Variants in PCLO observed in about 807,000 individuals in gnomAD.
PCLO encodes the protein protein piccolo.
In PCLO, 82 loss-of-function variants were observed where a neutral mutation model predicts 427.5. That is an observed-to-expected ratio of 0.19 (90% CI 0.16 to 0.23). The LOEUF is 0.23. PCLO is among the 10% of genes least tolerant of loss of function. The probability of loss-of-function intolerance (pLI) is 1.00; values close to 1 mark genes in which losing one functional copy is unlikely to be tolerated. For synonymous variants in PCLO, 2,357 were observed against 2,155.4 expected (o/e 1.09, Z -2.59); for missense variants, 6,239 against 6,115.9 (o/e 1.02, Z -0.67).
At chr7:83,090,975 T>C (rs1790363234) in intron 3 of PCLO, among the ~76,000 whole-genome samples, 1 of 152,126 alleles carries the variant, frequency 6.6e-6, no homozygotes, top group Admixed American at 6.5e-5. Flanking sequence ...TTGGTACCAA[T>C]TAGAAACACA....
intron 3 of PCLO, among the ~76,000 whole-genome samples, chr7:83,072,413 C>A (rs1789841981): frequency 6.6e-6 from 1 of 151,950 alleles, no homozygotes; most frequent in Non-Finnish European, 1.5e-5. Context: ...TGTTATTTTT[C>A]TTCCTTTTGC....
intron 9 of PCLO, among the ~76,000 whole-genome samples, chr7:82,886,628 G>A (rs1793633983): frequency 6.6e-6 from 1 of 152,090 alleles, no homozygotes; most frequent in African/African-American, 2.4e-5. Context: ...TTTGCCTTCG[G>A]TGAAGGAGGT....
intron 3 of PCLO, among the ~76,000 whole-genome samples, chr7:83,089,747 T>C (rs1480378743): frequency 1.3e-5 from 2 of 152,154 alleles, no homozygotes; most frequent in Non-Finnish European, 2.9e-5. Context: ...GCTTCTGCAC[T>C]AGTGCCCTGA....
At chr7:83,108,349 T>C (rs1790920179) in intron 3 of PCLO, among the ~76,000 whole-genome samples, 2 of 152,168 alleles carry the variant, frequency 1.3e-5, no homozygotes, top group African/African-American at 4.8e-5. Context: ...TCTATCTACC[T>C]ACTTATCTAT....
intron 16 of PCLO, among the ~76,000 whole-genome samples, chr7:82,833,449 C>A (rs967769954): frequency 6.6e-6 from 1 of 152,232 alleles, no homozygotes; most frequent in East Asian, 1.9e-4. Flanking sequence ...GTCATTCTCT[C>A]ACCTTATCTT....
rs1352236823 is a variant in PCLO, at chr7:82,950,786, G to A, written c.9802C>T (p.Leu3268Phe). The A allele has an allele frequency of 2.5e-6, 4 of 1,613,666 alleles. No homozygotes were observed. Among genetic ancestry groups the A allele is most frequent in the South Asian group, 1.1e-5 (1 of 91,070 alleles). ...TGCCGCTCTTCTTCTTGCTGAAAGA[G>A]AAGGTGTTGCTTCATAGACTGCAGC... The part of the protein sequence containing the change: ...EELQSMKQHL[L>F]FQQEEERQAQ... Residue 3268 changes from leucine to phenylalanine, a missense_variant, in exon 6 of 25, where the codon CTC becomes TTC. Physicochemically the swap from Leu to Phe is conservative, Grantham distance 22 (BLOSUM62 0). Transcript: ENST00000333891.
intron 10 of PCLO, among the ~76,000 whole-genome samples, chr7:82,874,815 A>C (rs1468067299): frequency 2.0e-5 from 3 of 152,188 alleles, no homozygotes; most frequent in African/African-American, 4.8e-5. Context: ...AGATGCTCAA[A>C]CTAGTTCAAC....
chr7:83,069,997 A>T (rs1789771335), intron 3 of PCLO, among the ~76,000 whole-genome samples: 1 of 152,080 alleles, frequency 6.6e-6, no homozygotes, highest in African/African-American at 2.4e-5. Flanking sequence ...GACTGAACTT[A>T]ATGACTCACT....
chr7:82,807,242 C>T (rs1184860237), intron 20 of PCLO, among the ~76,000 whole-genome samples: 1 of 151,642 alleles, frequency 6.6e-6, no homozygotes, highest in Non-Finnish European at 1.5e-5. Flanking sequence ...CTTAAATAGT[C>T]TTTGACAATG....
At chr7:83,031,731 T>C (rs954120883) in intron 3 of PCLO, among the ~76,000 whole-genome samples, 6 of 148,430 alleles carry the variant, frequency 4.0e-5, no homozygotes, top group East Asian at 3.9e-4. Flanking sequence ...TCTCTCTCTC[T>C]CTCCCTCCCC....
rs1241848742 is a variant in PCLO, at chr7:82,939,660, T to TAG, written c.11112+9814_11112+9815dup. On this transcript the variant is annotated intron_variant, in intron 6 of 24. Coordinates refer to ENST00000333891, the MANE Select transcript of PCLO (RefSeq NM_033026.6). ...TTTCCACTGGAAATATATATATATA[T>TAG]AGAGAGAGAGAGAAATAGATATAGA... Among the ~76,000 whole-genome samples the TAG allele has an allele frequency of 1.5e-3, 227 of 146,454 alleles. 1 individual carries two copies. The highest frequency in any genetic ancestry group is 5.2e-3 in the African/African-American group (209 of 39,814).
At chr7:82,935,821 T>G (rs1002393104) in intron 6 of PCLO, among the ~76,000 whole-genome samples, 3 of 151,642 alleles carry the variant, frequency 2.0e-5, no homozygotes, top group African/African-American at 7.2e-5. Flanking sequence ...CTTCAAGAAT[T>G]GATCCCTCTA....
intron 3 of PCLO, among the ~76,000 whole-genome samples, chr7:83,029,131 T>C (rs1788588631): frequency 6.6e-6 from 1 of 150,420 alleles, no homozygotes; most frequent in Non-Finnish European, 1.5e-5. Context: ...ACTAAAGAGC[T>C]TCTGCACAGC....
chr7:82,958,098 G>A (rs1795569497), intron 4 of PCLO, among the ~76,000 whole-genome samples: 1 of 152,128 alleles, frequency 6.6e-6, no homozygotes, highest in East Asian at 1.9e-4. Flanking sequence ...AGAAAGGAGG[G>A]GTTAGGGGAA....
Position 83,114,384 on chromosome 7 carries a change from T to C in PCLO, c.3300+19866A>G, listed in dbSNP as rs369270214. Among the ~76,000 whole-genome samples, 12 of 152,042 alleles carry C rather than the reference T, an allele frequency of 7.9e-5. 1 individual carries two copies. Among genetic ancestry groups the C allele is most frequent in the African/African-American group, 2.6e-4 (11 of 41,514 alleles). ...TCAAAAAATGAATGAAAGATAAAGATGTGGGGGTAGTGAAGAGCATTTGGT... is the reference window on the plus strand; with the variant it reads ...TCAAAAAATGAATGAAAGATAAAGACGTGGGGGTAGTGAAGAGCATTTGGT... On this transcript the variant is annotated intron_variant, in intron 3 of 24. Coordinates refer to ENST00000333891, the MANE Select transcript of PCLO (RefSeq NM_033026.6).
At chr7:82,814,760 AT>A (rs1159195417) in intron 20 of PCLO, among the ~76,000 whole-genome samples, 2 of 151,986 alleles carry the variant, frequency 1.3e-5, no homozygotes, top group East Asian at 3.9e-4. Flanking sequence ...CGAGAAAAAA[AT>A]GAGAGCAAAA....
At chr7:82,782,367 GA>G (rs550940270) in intron 22 of PCLO, among the ~76,000 whole-genome samples, 5 of 151,926 alleles carry the variant, frequency 3.3e-5, no homozygotes, top group Admixed American at 6.6e-5. Flanking sequence ...TCCTTTTCCA[GA>G]AAAAAATCTT....
chr7:83,157,363 T>C (rs1792327617), intron 1 of PCLO, among the ~76,000 whole-genome samples: 1 of 152,192 alleles, frequency 6.6e-6, no homozygotes, highest in Admixed American at 6.5e-5. Context: ...TTGAGATATA[T>C]CTTGGTATCC....
In PCLO at chr7:82,951,087, A is replaced by G. The variant is rs1156522784; in HGVS notation, c.9501T>C (p.Thr3167=). 1 of 1,613,914 alleles carries G rather than the reference A, an allele frequency of 6.2e-7. No individual in the cohort carries two copies. The change falls in exon 6 of 25, where the codon ACT becomes ACC. Residue 3167 remains threonine, a synonymous_variant. Transcript: ENST00000333891. ...CAGCAGTAAGAGACTCCATAGTAAT[A>G]GTTTGCAAACTGGCACTGATATCAA... is the stretch of plus-strand genomic sequence containing the variant. ...TGIDISASLQ[T]ITMESLTAET...
Sources: allele counts gnomAD v4.1 joint callset (sites outside exome capture counted in the v4.1 genomes callset), GRCh38; gene constraint gnomAD v4.1.1; transcripts MANE v1.5; gene names NCBI Gene and HGNC (gene_info 2026-07-23, HGNC 2026-07-21).